Variants in EZH2 observed in about 807,000 individuals in gnomAD.
EZH2 encodes the protein histone-lysine N-methyltransferase EZH2.
Under a neutral mutation model 98.4 loss-of-function variants are expected in EZH2, and 18 were observed. The observed-to-expected ratio is 0.18, with a 90% confidence interval of 0.13 to 0.27. EZH2 has a LOEUF of 0.27. Among genes scored for constraint, EZH2 ranks in the 10% least tolerant of loss-of-function variants. The pLI is 1.00. For synonymous variants in EZH2, 338 were observed against 312.3 expected, an observed-to-expected ratio of 1.08 and a Z score of -0.87; for missense variants, 470 against 935.1, an observed-to-expected ratio of 0.50 and a Z score of 6.49.
chr7:148,879,842 A>C (rs1820714559), intron 1 of EZH2, among the ~76,000 whole-genome samples: 1 of 152,024 alleles, frequency 6.6e-6, no homozygotes, highest in Non-Finnish European at 1.5e-5. Context: ...ACAATGGCTC[A>C]GCCTGTCATC....
intron 1 of EZH2, among the ~76,000 whole-genome samples, chr7:148,874,303 G>A (rs923347868): frequency 3.3e-5 from 5 of 152,112 alleles, no homozygotes; most frequent in Admixed American, 6.5e-5. Flanking sequence ...TGGGAGGATT[G>A]TTTCAGCCCA....
intron 1 of EZH2, among the ~76,000 whole-genome samples, chr7:148,857,087 C>T (rs1049181680): frequency 3.3e-5 from 5 of 152,268 alleles, no homozygotes; most frequent in African/African-American, 1.2e-4. Context: ...GATTTCACCT[C>T]TGTGGTATCC....
chr7:148,869,078 T>A (rs1818947455), intron 1 of EZH2, among the ~76,000 whole-genome samples: 1 of 152,328 alleles, frequency 6.6e-6, no homozygotes, highest in African/African-American at 2.4e-5. Context: ...TTTTAGGTGC[T>A]ATTATGCCCA....
At chr7:148,865,664 G>C (rs1818338160) in intron 1 of EZH2, among the ~76,000 whole-genome samples, 1 of 152,182 alleles carries the variant, frequency 6.6e-6, no homozygotes, top group East Asian at 1.9e-4. Context: ...TTTGTGGTAA[G>C]GCATCTTCCC....
intron 1 of EZH2, 84 bp from the exon 2 acceptor site, chr7:148,847,389 CA>C: frequency 6.5e-7 from 1 of 1,528,542 alleles, no homozygotes; most frequent in South Asian, 1.2e-5. Context: ...AGCAAACTAA[CA>C]ATCAGTGAAG....
At chr7:148,826,702 A>G in intron 7 of EZH2, 70 bp from the exon 8 acceptor site, 1 of 1,294,996 alleles carries the variant, frequency 7.7e-7, no homozygotes, top group Non-Finnish European at 1.0e-6. Flanking sequence ...AGTTTCTAAA[A>G]GGTTTCCATG....
intron 1 of EZH2, among the ~76,000 whole-genome samples, chr7:148,858,531 A>AT (rs747744778): frequency 6.6e-6 from 1 of 151,740 alleles, no homozygotes. Flanking sequence ...TACTTTTTCA[A>AT]TTTTTTTGGA....
intron 7 of EZH2, 38 bp downstream of exon 7, chr7:148,827,126 A>G (rs1425903964): frequency 6.5e-7 from 1 of 1,527,416 alleles, no homozygotes; most frequent in Non-Finnish European, 9.0e-7. Context: ...GTTACATACC[A>G]TACAGGGCAA....
chr7:148,808,501 T>C (rs1427515849), intron 19 of EZH2, among the ~76,000 whole-genome samples: 2 of 152,240 alleles, frequency 1.3e-5, no homozygotes, highest in Non-Finnish European at 2.9e-5. Context: ...CCACAGAGCT[T>C]GACAGTGTCA....
intron 1 of EZH2, among the ~76,000 whole-genome samples, chr7:148,876,522 G>A (rs557416077): frequency 6.6e-6 from 1 of 152,240 alleles, no homozygotes; most frequent in South Asian, 2.1e-4. Flanking sequence ...ATTAAAACTA[G>A]AAATGTTCAT....
intron 1 of EZH2, among the ~76,000 whole-genome samples, chr7:148,869,017 G>A (rs900219547): frequency 2.0e-5 from 3 of 152,242 alleles, no homozygotes; most frequent in Non-Finnish European, 4.4e-5. Flanking sequence ...AGATTTGATT[G>A]TTTATAAAGG....
intron 1 of EZH2, among the ~76,000 whole-genome samples, chr7:148,877,172 T>C (rs1218421117): frequency 6.6e-6 from 1 of 152,184 alleles, no homozygotes; most frequent in Non-Finnish European, 1.5e-5. Context: ...TATTCATATA[T>C]GAATATATTT....
At chr7:148,827,566 G>C (rs953873460) in intron 6 of EZH2, among the ~76,000 whole-genome samples, 2 of 152,000 alleles carry the variant, frequency 1.3e-5, no homozygotes. Context: ...TTACCTCTTG[G>C]GTCTGTTTAC....
At chr7:148,811,393 C>A (rs1803043807) in intron 16 of EZH2, among the ~76,000 whole-genome samples, 1 of 152,132 alleles carries the variant, frequency 6.6e-6, no homozygotes, top group Non-Finnish European at 1.5e-5. Context: ...TCAAGCAATC[C>A]ACCTGCCTCG....
chr7:148,831,891 C>G (rs1464644226), intron 4 of EZH2, among the ~76,000 whole-genome samples: 1 of 152,226 alleles, frequency 6.6e-6, no homozygotes, highest in African/African-American at 2.4e-5. Context: ...ATTACAAAAG[C>G]TGCTGCGTCA....
Position 148,856,754 on chromosome 7 carries a change from A to C in EZH2, c.-7-9449T>G, listed in dbSNP as rs948845339. On this transcript the variant is annotated intron_variant, in intron 1 of 19. Transcript: ENST00000320356. ...CTGGAATAATTTGAGCAGCAGAGTA[A>C]ATCATAACAGTATTATAACAGAATA... is the stretch of plus-strand genomic sequence containing the variant. Among the ~76,000 whole-genome samples, 50 of 152,374 alleles carry C rather than the reference A, an allele frequency of 3.3e-4. 1 individual carries two copies. The highest frequency in any genetic ancestry group is 2.9e-3 in the Admixed American group (45 of 15,306).
intron 1 of EZH2, among the ~76,000 whole-genome samples, chr7:148,873,044 A>G (rs946852099): frequency 6.6e-6 from 1 of 152,156 alleles, no homozygotes; most frequent in Admixed American, 6.5e-5. Context: ...TTAGCCAGAC[A>G]TCGTGTCTCA....
rs182258911 is a variant in EZH2, at chr7:148,872,459, A to G, written c.-8+11705T>C. Among the ~76,000 whole-genome samples, 382 of 152,300 alleles carry G rather than the reference A, an allele frequency of 2.5e-3. 3 individuals carry two copies. The highest frequency in any genetic ancestry group is 8.8e-3 in the African/African-American group (365 of 41,574). The stretch of plus-strand genomic sequence containing the variant: ...ACACTACTGAACTGTACATTTTTAA[A>G]TGGTAAACATGATTAATTTACTATG... On this transcript the variant is annotated intron_variant, in intron 1 of 19. Coordinates refer to ENST00000320356, the MANE Select transcript of EZH2 (RefSeq NM_004456.5).
At chr7:148,814,833 T>G (rs910945230) in intron 14 of EZH2, 81 bp downstream of exon 14, 1 of 1,502,634 alleles carries the variant, frequency 6.7e-7, no homozygotes, top group Non-Finnish European at 9.0e-7. Context: ...TGCTCCCATG[T>G]TCTTATTTTT....
Sources: allele counts gnomAD v4.1 joint callset (sites outside exome capture counted in the v4.1 genomes callset), GRCh38; gene constraint gnomAD v4.1.1; transcripts MANE v1.5; gene names NCBI Gene and HGNC (gene_info 2026-07-23, HGNC 2026-07-21).